EPRS1: variants seen among roughly 807,000 people sequenced by gnomAD.
EPRS1 encodes bifunctional glutamate/proline--tRNA ligase.
In EPRS1, 107 loss-of-function variants were observed where a neutral mutation model predicts 188.3. That is an observed-to-expected ratio of 0.57 (90% CI 0.49 to 0.67). The LOEUF (loss-of-function observed/expected upper bound fraction) is 0.67, where lower values mean the gene tolerates loss of function less well. EPRS1 is among the 30% of genes least tolerant of loss of function. The pLI, the probability that EPRS1 is intolerant of heterozygous loss-of-function variation, is 0.00. For missense variants in EPRS1, 1,577 were observed against 1,802.2 expected (o/e 0.88, Z 2.26); for synonymous variants, 596 against 593.1 (o/e 1.00, Z -0.07).
chr1:220,033,707 A>C, intron 3 of EPRS1, 49 bp from the exon 4 acceptor site: 1 of 1,427,776 alleles, frequency 7.0e-7, no homozygotes, highest in Non-Finnish European at 9.7e-7. Context: ...ATTTCAACTT[A>C]TAAAAAGAAA....
At chr1:219,986,783 ATGTG>A (rs55845197) in intron 20 of EPRS1, among the ~76,000 whole-genome samples, 3 of 150,154 alleles carry the variant, frequency 2.0e-5, no homozygotes, top group African/African-American at 7.4e-5. Flanking sequence ...GAAAATATGT[ATGTG>A]TGTGTGTGTG....
intron 1 of EPRS1, among the ~76,000 whole-genome samples, chr1:220,040,877 T>TTA (rs1662279004): frequency 6.6e-6 from 1 of 151,048 alleles, no homozygotes; most frequent in Non-Finnish European, 1.5e-5. Context: ...GTATAGTGCC[T>TTA]TATATAAAAG....
At position 219,968,643 on chromosome 1, in the gene EPRS1, T is replaced by G. The variant is rs1660608454; in HGVS notation, c.*163A>C. 9.7e-6 allele frequency: 6 copies of G among 620,028 alleles called. No homozygotes were observed. Among genetic ancestry groups the G allele is most frequent in the Non-Finnish European group, 1.7e-5 (6 of 357,530 alleles). 38.4% of individuals were successfully genotyped at this position (620,028 alleles called of 1,614,324 possible). On this transcript the variant is annotated 3_prime_UTR_variant, in exon 32 of 32. Transcript: ENST00000366923. ...TACTGGAGTTGTTTACAGAAAAGTC[T>G]TTTATCCACTGTTAACTTAGGCATA...
intron 6 of EPRS1, among the ~76,000 whole-genome samples, chr1:220,025,944 G>A (rs887187980): frequency 3.7e-4 from 56 of 152,086 alleles, no homozygotes; most frequent in African/African-American, 1.1e-3. Flanking sequence ...ACAGGCACGC[G>A]CCACCATGCC....
chr1:219,997,945 G>A (rs1403500470), intron 17 of EPRS1, among the ~76,000 whole-genome samples: 3 of 152,084 alleles, frequency 2.0e-5, no homozygotes, highest in Non-Finnish European at 4.4e-5. Flanking sequence ...TTTCATTTGT[G>A]TAAAATTATA....
intron 6 of EPRS1, 50 bp from the exon 7 acceptor site, chr1:220,025,308 A>G: frequency 6.9e-7 from 1 of 1,442,864 alleles, no homozygotes; most frequent in Non-Finnish European, 9.4e-7. Context: ...TTTTAACTAA[A>G]TACTTAAACT....
intron 17 of EPRS1, among the ~76,000 whole-genome samples, chr1:219,998,003 A>G (rs2102574777): frequency 6.6e-6 from 1 of 152,292 alleles, no homozygotes; most frequent in Admixed American, 6.5e-5. Flanking sequence ...TATGTTCACT[A>G]AAATCAACCC....
chr1:220,005,199 A>G (rs777504889), intron 16 of EPRS1, 49 bp downstream of exon 16: 5 of 795,810 alleles, frequency 6.3e-6, no homozygotes, highest in African/African-American at 3.6e-5. Flanking sequence ...ATTACTCACT[A>G]TAACAACTTT....
At chr1:220,028,691 T>C (rs1296931714) in intron 6 of EPRS1, among the ~76,000 whole-genome samples, 1 of 152,180 alleles carries the variant, frequency 6.6e-6, no homozygotes, top group Non-Finnish European at 1.5e-5. Context: ...CAGAAGGCTG[T>C]TGGGATTAAT....
At chr1:219,991,585 A>G (rs979942741) in intron 18 of EPRS1, among the ~76,000 whole-genome samples, 1 of 152,170 alleles carries the variant, frequency 6.6e-6, no homozygotes, top group Non-Finnish European at 1.5e-5. Flanking sequence ...GTAAACTAGA[A>G]GTTCACAGGT....
intron 28 of EPRS1, 119 bp from the exon 29 acceptor site, chr1:219,973,517 CA>C (rs1208765008): frequency 7.9e-5 from 27 of 340,136 alleles, no homozygotes; most frequent in South Asian, 3.3e-4. Flanking sequence ...AAGGCAAAGC[CA>C]AAAAAAACAA....
Position 219,979,565 on chromosome 1 carries a change from G to A in EPRS1, c.3762C>T (p.Ile1254=), listed in dbSNP as rs537386099. ...LGQNFSKMFE[I]VFEDPKIPGE... ...CTGGTATCTTTGGATCTTCAAAAACGATTTCAAACATTTTGGAAAAATTCT... is the reference window on the plus strand; with the variant it reads ...CTGGTATCTTTGGATCTTCAAAAACAATTTCAAACATTTTGGAAAAATTCT... The change falls in exon 27 of 32, where the codon ATC becomes ATT. Residue 1254 remains isoleucine (I), a synonymous_variant. Coordinates refer to ENST00000366923, the MANE Select transcript of EPRS1 (RefSeq NM_004446.3). The A allele has an allele frequency of 1.9e-5, 30 of 1,613,732 alleles. No individual in the cohort carries two copies. The highest frequency in any genetic ancestry group is 3.3e-5 in the South Asian group (3 of 91,074).
In EPRS1 at chr1:219,987,612, G is replaced by A. The variant is rs575435870; in HGVS notation, c.2776-208C>T. Among the ~76,000 whole-genome samples the A allele has an allele frequency of 6.5e-4, 99 of 151,278 alleles. 1 individual carries two copies. The highest frequency in any genetic ancestry group is 1.1e-3 in the Non-Finnish European group (78 of 67,854). ...CCATCACACTTAGGAACTACAAAAG[G>A]ATCTGTCCAAAGTTTAAAAGTAGAT... On this transcript the variant is annotated intron_variant, in intron 19 of 31. Transcript: ENST00000366923.
chr1:220,023,957 G>A (rs964919527), intron 8 of EPRS1, among the ~76,000 whole-genome samples: 5 of 152,164 alleles, frequency 3.3e-5, no homozygotes, highest in Non-Finnish European at 7.4e-5. Flanking sequence ...TTCGAGACCA[G>A]CTTGGCCAAT....
At chr1:220,045,363 G>A (rs113281283) in intron 1 of EPRS1, among the ~76,000 whole-genome samples, 3 of 152,014 alleles carry the variant, frequency 2.0e-5, no homozygotes, top group Admixed American at 6.6e-5. Context: ...AATTAGCCAG[G>A]CATGGTGGCA....
chr1:220,038,636 C>T (rs1255084291), intron 2 of EPRS1, among the ~76,000 whole-genome samples: 1 of 152,074 alleles, frequency 6.6e-6, no homozygotes, highest in African/African-American at 2.4e-5. Context: ...GCCCGGCCTC[C>T]CAAAGTGCTA....
Position 220,046,428 on chromosome 1 carries a change from T to C in EPRS1, c.-40A>G, listed in dbSNP as rs1279146561. On this transcript the variant is annotated 5_prime_UTR_variant, in exon 1 of 32. Coordinates refer to ENST00000366923, the MANE Select transcript of EPRS1 (RefSeq NM_004446.3). ...TGGTCCACCTGTCAGTACGCCTGGC[T>C]CGTGCCAGAACTACGGAGGACCCCG... is the stretch of plus-strand genomic sequence containing the variant. 1.2e-6 allele frequency: 2 copies of C among 1,612,968 alleles called. No individual in the cohort carries two copies. Among genetic ancestry groups the C allele is most frequent in the Non-Finnish European group, 1.7e-6 (2 of 1,179,698 alleles).
Position 219,968,700 on chromosome 1 carries a change from A to T in EPRS1, c.*106T>A. The stretch of plus-strand genomic sequence containing the variant: ...ATTGTCCTGTGTGACTTCATTTTAG[A>T]ACTTTTACTTTTTAAAAAATCATAA... On this transcript the variant is annotated 3_prime_UTR_variant, in exon 32 of 32. Coordinates refer to ENST00000366923, the MANE Select transcript of EPRS1 (RefSeq NM_004446.3). 1 of 1,138,110 alleles carries T rather than the reference A, an allele frequency of 8.8e-7. No individual in the cohort carries two copies. The highest frequency in any genetic ancestry group is 1.6e-5 in the South Asian group (1 of 64,034). The allele number at this position is 1,138,110 out of a possible 1,614,324, so 70.5% of individuals were successfully genotyped here.
rs1226134979 is a variant in EPRS1, at chr1:220,046,416, A to G, written c.-28T>C. 1.2e-6 allele frequency: 2 copies of G among 1,613,552 alleles called. No homozygotes were observed. The highest frequency in any genetic ancestry group is 1.7e-6 in the Non-Finnish European group (2 of 1,179,930). On this transcript the variant is annotated 5_prime_UTR_variant, in exon 1 of 32. Transcript: ENST00000366923. ...CCACCAGTCCGCTGGTCCACCTGTC[A>G]GTACGCCTGGCTCGTGCCAGAACTA...
Sources: gnomAD v4.1 joint callset for allele counts (sites outside exome capture counted in the v4.1 genomes callset) on GRCh38, gnomAD v4.1.1 for gene constraint, MANE v1.5 for transcripts, NCBI Gene and HGNC (gene_info 2026-07-23, HGNC 2026-07-21) for gene names.